The following MGAT4C variants were observed in gnomAD, a reference collection of about 807,000 sequenced individuals.
MGAT4C encodes alpha-1,3-mannosyl-glycoprotein 4-beta-N-acetylglucosaminyltransferase C.
Under a neutral mutation model 40.1 loss-of-function variants are expected in MGAT4C, and 19 were observed. The observed-to-expected ratio is 0.47, with a 90% CI of 0.33 to 0.70. MGAT4C has a LOEUF of 0.70. Ranked by LOEUF, MGAT4C falls within the 30% of genes least tolerant of loss-of-function variation. The pLI is 0.02. For missense variants in MGAT4C, 491 were observed against 563.2 expected (o/e 0.87, Z 1.30); for synonymous variants, 181 against 187.1 (o/e 0.97, Z 0.27).
intron 1 of MGAT4C, among the ~76,000 whole-genome samples, chr12:86,071,344 A>C (rs1200357318): frequency 6.6e-6 from 1 of 152,110 alleles, no homozygotes; most frequent in East Asian, 1.9e-4. Flanking sequence ...TAAGGCAGAA[A>C]GATTTTGTTC....
intron 1 of MGAT4C, among the ~76,000 whole-genome samples, chr12:86,217,478 A>C (rs2135977606): frequency 6.6e-6 from 1 of 152,280 alleles, no homozygotes. Context: ...GAGAGGCTAA[A>C]GATGTCTGTG....
intron 1 of MGAT4C, among the ~76,000 whole-genome samples, chr12:86,103,950 G>A (rs557901179): frequency 6.6e-6 from 1 of 152,072 alleles, no homozygotes; most frequent in African/African-American, 2.4e-5. Flanking sequence ...TTTTTCTTCA[G>A]TGTGAATTCT....
At chr12:86,404,867 A>C (rs1212275338) in intron 3 of MGAT4C, among the ~76,000 whole-genome samples, 1 of 152,126 alleles carries the variant, frequency 6.6e-6, no homozygotes, top group African/African-American at 2.4e-5. Context: ...GGGAACATCA[A>C]ATTTAATTCA....
chr12:86,007,169 T>C (rs1887970970), intron 2 of MGAT4C, among the ~76,000 whole-genome samples: 1 of 152,144 alleles, frequency 6.6e-6, no homozygotes, highest in Non-Finnish European at 1.5e-5. Context: ...TGGTTAAATA[T>C]ACAGATTAAA....
At chr12:86,206,188 C>T (rs1029610008) in intron 1 of MGAT4C, among the ~76,000 whole-genome samples, 2 of 152,142 alleles carry the variant, frequency 1.3e-5, no homozygotes, top group South Asian at 2.1e-4. Flanking sequence ...AACACACTGG[C>T]ATCAACCATT....
At chr12:86,544,126 C>A (rs531601530) in intron 2 of MGAT4C, among the ~76,000 whole-genome samples, 13 of 152,186 alleles carry the variant, frequency 8.5e-5, no homozygotes, top group Admixed American at 7.8e-4. Context: ...CATAGCCAAG[C>A]CTGGATTCAA....
chr12:86,218,925 A>G (rs960207241), intron 1 of MGAT4C, among the ~76,000 whole-genome samples: 6 of 152,198 alleles, frequency 3.9e-5, no homozygotes, highest in Non-Finnish European at 5.9e-5. Context: ...TTATGCTTGT[A>G]ATCTCAGCAT....
rs912688257 is a variant in MGAT4C at position 86,831,732 on chromosome 12, G to A, written c.-262+6934C>T. Among the ~76,000 whole-genome samples the A allele has an allele frequency of 2.0e-5, 3 of 151,764 alleles. No individual in the cohort carries two copies. In the South Asian group the frequency reaches 6.2e-4, roughly 31 times the overall value. ...ACTAAGATGATAGGGCCTAATAAAA[G>A]AATTTTCTAAATAATAACAATGTTG... On this transcript the variant is annotated intron_variant, in intron 1 of 7. Coordinates refer to the MGAT4C transcript ENST00000548651.
intron 3 of MGAT4C, among the ~76,000 whole-genome samples, chr12:86,339,874 T>C (rs1396751454): frequency 6.6e-6 from 1 of 152,178 alleles, no homozygotes; most frequent in Non-Finnish European, 1.5e-5. Context: ...AAATCTTAGA[T>C]TGGTAGCTCT....
intron 4 of MGAT4C, among the ~76,000 whole-genome samples, chr12:86,289,070 T>C (rs1467197269): frequency 2.0e-5 from 3 of 152,084 alleles, no homozygotes. Context: ...CATTAATCCA[T>C]CTTGATTTTT....
rs538902630 is a variant in MGAT4C, at chr12:86,310,511, G to A, written c.-57+23554C>T. On this transcript the variant is annotated intron_variant, in intron 4 of 7. Transcript: ENST00000548651. ...AATTTTAAGAGAAATCTGAAATACT[G>A]ACAACTCATTAAAAAAAAGTTTAAG... Among the ~76,000 whole-genome samples, 8 of 152,176 alleles carry A rather than the reference G, an allele frequency of 5.3e-5. 1 individual carries two copies. In the Middle Eastern group the frequency reaches 0.02, roughly 388 times the overall value.
intron 2 of MGAT4C, among the ~76,000 whole-genome samples, chr12:86,044,204 C>G (rs1454200448): frequency 1.3e-5 from 2 of 152,156 alleles, no homozygotes; most frequent in Non-Finnish European, 2.9e-5. Flanking sequence ...CCCAGGCTCC[C>G]AGCTTTGTTC....
intron 2 of MGAT4C, among the ~76,000 whole-genome samples, chr12:86,496,260 G>T (rs571301195): frequency 1.1e-4 from 17 of 151,846 alleles, no homozygotes; most frequent in Non-Finnish European, 2.2e-4. Context: ...AGCAATAAAA[G>T]AATTTTGATT....
At chr12:86,549,516 C>A (rs931845270) in intron 2 of MGAT4C, among the ~76,000 whole-genome samples, 3 of 152,104 alleles carry the variant, frequency 2.0e-5, no homozygotes, top group Non-Finnish European at 4.4e-5. Context: ...AGGCTTTTCT[C>A]ATTTTAGGTT....
chr12:86,049,631 T>A, intron 2 of MGAT4C, 43 bp downstream of exon 2: 1 of 920,584 alleles, frequency 1.1e-6, no homozygotes, highest in Non-Finnish European at 1.3e-6. Context: ...ATTTAAAAAG[T>A]GTAGTACCTT....
intron 3 of MGAT4C, among the ~76,000 whole-genome samples, chr12:86,428,102 A>G (rs1378106399): frequency 6.6e-6 from 1 of 152,162 alleles, no homozygotes; most frequent in African/African-American, 2.4e-5. Context: ...CATTGTCTCA[A>G]ATTAAAATAT....
chr12:86,523,852 T>A (rs1592949751), intron 2 of MGAT4C, among the ~76,000 whole-genome samples: 1 of 152,118 alleles, frequency 6.6e-6, no homozygotes, highest in Non-Finnish European at 1.5e-5. Flanking sequence ...CCCCTTTTTG[T>A]CTTTTTTCAT....
chr12:86,445,990 A>G (rs1957326918), intron 2 of MGAT4C, among the ~76,000 whole-genome samples: 1 of 152,078 alleles, frequency 6.6e-6, no homozygotes, highest in Non-Finnish European at 1.5e-5. Context: ...TCACTGTGCA[A>G]AGGTACTGGG....
At chr12:86,797,485 T>C (rs767430582) in intron 1 of MGAT4C, among the ~76,000 whole-genome samples, 7 of 151,762 alleles carry the variant, frequency 4.6e-5, no homozygotes, top group Non-Finnish European at 1.0e-4. Context: ...ATGTAACAGA[T>C]ATTTTTTTTC....
Sources: gnomAD v4.1 joint callset for allele counts (sites outside exome capture counted in the v4.1 genomes callset) on GRCh38, gnomAD v4.1.1 for gene constraint, MANE v1.5 for transcripts, NCBI Gene and HGNC (gene_info 2026-07-23, HGNC 2026-07-21) for gene names.